Variants in MAST2 observed in about 807,000 individuals in gnomAD.
MAST2 encodes the protein microtubule-associated serine/threonine-protein kinase 2.
A neutral mutation model predicts 147.4 loss-of-function variants in MAST2; 70 were observed. The ratio of observed to expected loss-of-function variants is 0.47; its 90% confidence interval spans 0.39 to 0.58. The LOEUF is 0.58. Ranked by LOEUF, MAST2 falls within the 20% of genes least tolerant of loss-of-function variation. MAST2 has a pLI of 0.00. For synonymous variants in MAST2, 869 were observed against 896.8 expected, an observed-to-expected ratio of 0.97 and a Z score of 0.55; for missense variants, 2,080 against 2,302.3, an observed-to-expected ratio of 0.90 and a Z score of 1.98.
intron 2 of MAST2, among the ~76,000 whole-genome samples, chr1:45,828,638 G>T (rs1357956545): frequency 6.6e-6 from 1 of 152,136 alleles, no homozygotes; most frequent in Non-Finnish European, 1.5e-5. Context: ...TAAAGTCATT[G>T]CAGGTCGGGC....
Position 45,813,318 on chromosome 1 carries a change from G to GATT in MAST2, c.177+9261_177+9263dup, listed in dbSNP as rs548939315. ...GACATACAAGATGGGGGTCCCATAA[G>GATT]ATTATTATTATTATTATCATTTTTT... On this transcript the variant is annotated intron_variant, in intron 1 of 28. Coordinates refer to ENST00000361297, the MANE Select transcript of MAST2 (RefSeq NM_015112.3). 1.2e-3 allele frequency among the ~76,000 whole-genome samples: 179 copies of GATT among 151,750 alleles called. 1 individual carries two copies. Among genetic ancestry groups the GATT allele is most frequent in the Non-Finnish European group, 1.8e-3 (123 of 67,912 alleles).
intron 8 of MAST2, chr1:46,006,612 G>A (rs78944846): frequency 5.8e-6 from 2 of 346,876 alleles, no homozygotes; most frequent in African/African-American, 4.2e-5. Context: ...AAAAAAAAAA[G>A]TAGCAGGCCA....
At chr1:45,900,118 C>T (rs938435258) in intron 4 of MAST2, among the ~76,000 whole-genome samples, 13 of 137,172 alleles carry the variant, frequency 9.5e-5, no homozygotes, top group Non-Finnish European at 1.7e-4. Context: ...TGCAGTGAGC[C>T]GAGATGGTGC....
chr1:46,032,046 CAG>C (rs771870688), intron 24 of MAST2, 130 bp from the exon 25 acceptor site: 11 of 709,108 alleles, frequency 1.6e-5, no homozygotes, highest in Non-Finnish European at 2.7e-5. Context: ...CTTCACAGGT[CAG>C]GGGCTGTGGG....
chr1:45,992,626 A>G (rs4660330), intron 5 of MAST2, among the ~76,000 whole-genome samples: 121,184 of 152,078 alleles, frequency 0.8, 48,762 homozygotes, highest in East Asian at 0.98. Context: ...TCTTCTATAA[A>G]TGTTTGGTAG....
At chr1:45,827,964 T>TG (rs1644843325) in intron 2 of MAST2, among the ~76,000 whole-genome samples, 3 of 151,876 alleles carry the variant, frequency 2.0e-5, no homozygotes, top group Admixed American at 1.3e-4. Context: ...CCTGAGTAGC[T>TG]GGGACCACAG....
intron 4 of MAST2, among the ~76,000 whole-genome samples, chr1:45,946,925 T>C (rs565711842): frequency 5.3e-5 from 8 of 152,306 alleles, no homozygotes; most frequent in Admixed American, 2.0e-4. Context: ...AGGGTACTTA[T>C]TGCTGTCCTC....
At chr1:46,029,752 C>A in intron 19 of MAST2, 79 bp from the exon 20 acceptor site, 1 of 1,555,354 alleles carries the variant, frequency 6.4e-7, no homozygotes, top group South Asian at 1.2e-5. Flanking sequence ...TTCTGAAGGT[C>A]TGGCTTCTTG....
rs374408250 is a variant in MAST2, at chr1:45,944,008, G to T, written c.501-15378G>T. 3.3e-5 allele frequency among the ~76,000 whole-genome samples: 5 copies of T among 152,182 alleles called. No homozygotes were observed. In the South Asian group the frequency reaches 1.0e-3, roughly 32 times the overall value. Reference sequence around the variant, plus strand: ...AATAGAGAAGTCTCTAATAAACTTCGCTATACTCTGTGACACCCTGAATTA... The same window carrying T: ...AATAGAGAAGTCTCTAATAAACTTCTCTATACTCTGTGACACCCTGAATTA... On this transcript the variant is annotated intron_variant, in intron 4 of 28. Transcript: ENST00000361297.
chr1:45,849,615 C>T (rs1207428104), intron 3 of MAST2, among the ~76,000 whole-genome samples: 3 of 151,804 alleles, frequency 2.0e-5, no homozygotes, highest in Non-Finnish European at 2.9e-5. Flanking sequence ...CAAGCTCCAC[C>T]TCCCAGGTTC....
chr1:46,008,628 GT>G (rs748533216), intron 9 of MAST2, among the ~76,000 whole-genome samples: 107 of 152,358 alleles, frequency 7.0e-4, no homozygotes, highest in Non-Finnish European at 1.1e-3. Context: ...CAGAAGTAGA[GT>G]TATCCAGAGG....
At chr1:45,982,250 A>C (rs763722768) in intron 5 of MAST2, among the ~76,000 whole-genome samples, 13 of 152,312 alleles carry the variant, frequency 8.5e-5, no homozygotes, top group Non-Finnish European at 1.6e-4. Context: ...TAGAATAAAG[A>C]ATTTCTGTGA....
chr1:45,858,655 T>C (rs1482899399), intron 3 of MAST2, among the ~76,000 whole-genome samples: 1 of 146,510 alleles, frequency 6.8e-6, no homozygotes, highest in East Asian at 2.0e-4. Flanking sequence ...TTGTTGCCAT[T>C]GCTTTTGGTG....
intron 5 of MAST2, among the ~76,000 whole-genome samples, chr1:45,970,754 AG>A (rs1289232239): frequency 6.9e-6 from 1 of 145,354 alleles, no homozygotes; most frequent in Non-Finnish European, 1.5e-5. Context: ...TTTTGGGGGC[AG>A]TGGTTCATCC....
Position 46,032,686 on chromosome 1 carries a change from G to C in MAST2, c.3505G>C (p.Val1169Leu). The C allele has an allele frequency of 6.2e-7, 1 of 1,614,142 alleles. No individual in the cohort carries two copies. The highest frequency in any genetic ancestry group is 1.3e-5 in the African/African-American group (1 of 75,050). Residue 1169 changes from valine to leucine, a missense_variant, in exon 26 of 29, where the codon GTG becomes CTG. This residue lies in a region of MAST2 where 1,278 missense variants were observed against 1,304.2 expected (regional missense o/e 0.98). Coordinates refer to ENST00000361297, the MANE Select transcript of MAST2 (RefSeq NM_015112.3). The part of the protein sequence containing the change: ...HVNGEPVHGL[V>L]HTEVVELILK... ...CAATGGGGAACCTGTGCATGGCCTG[G>C]TGCACACGGAGGTGGTAGAGCTGAT...
At chr1:45,817,717 C>G (rs1170993527) in intron 1 of MAST2, among the ~76,000 whole-genome samples, 1 of 150,754 alleles carries the variant, frequency 6.6e-6, no homozygotes, top group Non-Finnish European at 1.5e-5. Flanking sequence ...GTATAAACGA[C>G]TCATATCATG....
At position 46,035,848 on chromosome 1, in the gene MAST2, T is replaced by C; in HGVS notation, c.5179T>C (p.Trp1727Arg). 3 of 1,614,050 alleles carry C rather than the reference T, an allele frequency of 1.9e-6. No individual in the cohort carries two copies. Among genetic ancestry groups the C allele is most frequent in the Non-Finnish European group, 2.5e-6 (3 of 1,180,008 alleles). ...TGAGGATCCCAGCCAGGGCTGGCTA[T>C]GGGAGTCTGAGTGTGCACAAGCAGT... ...SYEDPSQGWL[W>R]ESECAQAVKE... The change falls in exon 29 of 29, where the codon TGG becomes CGG. Residue 1727 changes from tryptophan (W) to arginine (R), a missense_variant. Physicochemically the swap from Trp to Arg is moderately radical, Grantham distance 101. This residue lies in a region of MAST2 where 1,278 missense variants were observed against 1,304.2 expected (regional missense o/e 0.98). Transcript: ENST00000361297. This position sits in a 1 kb window ranked among gnomAD's most constrained non-coding sequence, Gnocchi z 5.5.
chr1:45,805,631 T>A (rs1357738456), intron 1 of MAST2, among the ~76,000 whole-genome samples: 1 of 152,220 alleles, frequency 6.6e-6, no homozygotes, highest in Non-Finnish European at 1.5e-5. Flanking sequence ...ATGGTAGAGT[T>A]CAAGATTACT....
chr1:45,849,229 C>T (rs1025800116), intron 3 of MAST2, among the ~76,000 whole-genome samples: 5 of 152,238 alleles, frequency 3.3e-5, no homozygotes, highest in South Asian at 2.1e-4. Context: ...CTAGAAAAAA[C>T]GATTTTAAAA....
Sources: allele counts gnomAD v4.1 joint callset (sites outside exome capture counted in the v4.1 genomes callset), GRCh38; gene constraint gnomAD v4.1.1; regional missense constraint gnomAD v4.1.1; non-coding constraint Gnocchi (gnomAD v3.1); transcripts MANE v1.5; gene names NCBI Gene and HGNC (gene_info 2026-07-23, HGNC 2026-07-21).